TESK2: variants seen among roughly 807,000 people sequenced by gnomAD.
The protein encoded by TESK2 is testis associated actin remodelling kinase 2, also known as dual specificity testis-specific protein kinase 2.
In TESK2, 39 loss-of-function variants were observed where a neutral mutation model predicts 57.1. The ratio of observed to expected loss-of-function variants is 0.68; its 90% CI spans 0.53 to 0.89. TESK2 has a LOEUF of 0.89. Among genes scored for constraint, TESK2 ranks in the 40% least tolerant of loss-of-function variants. TESK2 has a pLI of 0.00. For missense variants in TESK2, 646 were observed against 732.1 expected, an observed-to-expected ratio of 0.88 and a Z score of 1.36; for synonymous variants, 249 against 267.9, an observed-to-expected ratio of 0.93 and a Z score of 0.69.
intron 1 of TESK2, among the ~76,000 whole-genome samples, chr1:45,463,645 G>A (rs1364542298): frequency 5.9e-5 from 9 of 152,058 alleles, no homozygotes; most frequent in Non-Finnish European, 1.3e-4. Context: ...ATGGAGTGGC[G>A]TGATCACAGC....
At chr1:45,430,855 A>T (rs1650921515) in intron 2 of TESK2, among the ~76,000 whole-genome samples, 1 of 152,152 alleles carries the variant, frequency 6.6e-6, no homozygotes, top group Non-Finnish European at 1.5e-5. Context: ...ACAGAAATAG[A>T]GGTTGCGTTA....
chr1:45,446,479 T>C (rs1284326205), intron 2 of TESK2, among the ~76,000 whole-genome samples: 1 of 150,860 alleles, frequency 6.6e-6, no homozygotes, highest in Non-Finnish European at 1.5e-5. Context: ...AAATTTTAAA[T>C]AAAAATAAAA....
intron 2 of TESK2, among the ~76,000 whole-genome samples, chr1:45,440,262 A>C (rs1407651299): frequency 2.0e-5 from 3 of 151,666 alleles, no homozygotes; most frequent in Admixed American, 6.6e-5. Context: ...AGGCCCCCCC[A>C]AAAAAAGGTA....
At chr1:45,489,187 G>A (rs927961053) in intron 1 of TESK2, among the ~76,000 whole-genome samples, 7 of 150,810 alleles carry the variant, frequency 4.6e-5, no homozygotes, top group African/African-American at 7.3e-5. Context: ...TCGAAAGCAC[G>A]TGACATTGAT....
intron 1 of TESK2, among the ~76,000 whole-genome samples, chr1:45,481,074 GTAAA>G (rs1448313691): frequency 1.3e-5 from 2 of 148,956 alleles, no homozygotes; most frequent in African/African-American, 4.9e-5. Flanking sequence ...GATATATAAA[GTAAA>G]TAAGCGGCCG....
rs114934912 is a variant in TESK2, at chr1:45,432,406, C to T, written c.223-10560G>A. 7.3e-3 allele frequency among the ~76,000 whole-genome samples: 1,114 copies of T among 151,796 alleles called. 7 individuals are homozygous for T. Among genetic ancestry groups the T allele is most frequent in the Middle Eastern group, 0.027 (8 of 294 alleles). ...TCTACCTACTTAGAAATATACAATA[C>T]ATTGTCCAGGCACGGTGGCTCACGC... On this transcript the variant is annotated intron_variant, in intron 2 of 10. Transcript: ENST00000372086.
chr1:45,441,414 T>G (rs1311460369), intron 2 of TESK2, among the ~76,000 whole-genome samples: 1 of 152,018 alleles, frequency 6.6e-6, no homozygotes, highest in East Asian at 1.9e-4. Flanking sequence ...TGACCTCAGG[T>G]GATCCGCCTG....
chr1:45,406,127 C>T (rs1303295233), intron 3 of TESK2, among the ~76,000 whole-genome samples: 1 of 151,996 alleles, frequency 6.6e-6, no homozygotes, highest in Non-Finnish European at 1.5e-5. Flanking sequence ...AGCTACTTGG[C>T]AGGCTGAGGC....
chr1:45,440,724 A>AC (rs1553154334), intron 2 of TESK2, among the ~76,000 whole-genome samples: 7,194 of 148,786 alleles, frequency 0.048, 624 homozygotes, highest in African/African-American at 0.18. Context: ...TCAAAAAAAA[A>AC]AAACAAACAA....
Position 45,444,854 on chromosome 1 carries a change from A to G in TESK2, c.222+12710T>C, listed in dbSNP as rs190956960. On this transcript the variant is annotated intron_variant, in intron 2 of 10. Transcript: ENST00000372086. ...ATGGTTTAACTTTAAAACAAAGATGATAACAGTCCCTTCAGGAAACTAACC... is the reference window on the plus strand; with the variant it reads ...ATGGTTTAACTTTAAAACAAAGATGGTAACAGTCCCTTCAGGAAACTAACC... Among the ~76,000 whole-genome samples the G allele has an allele frequency of 9.2e-5, 14 of 152,328 alleles. No homozygotes were observed. The East Asian group carries it at 1.3e-3, about 15-fold the overall frequency.
At chr1:45,473,905 C>T (rs1029416631) in intron 1 of TESK2, among the ~76,000 whole-genome samples, 2 of 151,790 alleles carry the variant, frequency 1.3e-5, no homozygotes, top group African/African-American at 4.8e-5. Flanking sequence ...TCAAACAATC[C>T]TCCCGCCTCA....
At chr1:45,348,053 G>C in intron 5 of TESK2, 53 bp from the exon 6 acceptor site, 1 of 1,235,326 alleles carries the variant, frequency 8.1e-7, no homozygotes, top group African/African-American at 1.5e-5. Flanking sequence ...GCGGGGATCA[G>C]CCATAGAGTT....
intron 3 of TESK2, among the ~76,000 whole-genome samples, chr1:45,392,092 T>C (rs1398848386): frequency 6.6e-6 from 1 of 152,174 alleles, no homozygotes; most frequent in Non-Finnish European, 1.5e-5. Flanking sequence ...GATTGATTGA[T>C]TGATTGACTG....
At chr1:45,356,438 C>A (rs915839768) in intron 4 of TESK2, among the ~76,000 whole-genome samples, 1 of 151,734 alleles carries the variant, frequency 6.6e-6, no homozygotes, top group Non-Finnish European at 1.5e-5. Context: ...CCGGCCTGAA[C>A]AGCATAGTGA....
At chr1:45,374,139 T>G (rs905349717) in intron 4 of TESK2, among the ~76,000 whole-genome samples, 1 of 152,218 alleles carries the variant, frequency 6.6e-6, no homozygotes, top group Non-Finnish European at 1.5e-5. Context: ...TGTAAAAAGA[T>G]TCATCAAATG....
intron 2 of TESK2, among the ~76,000 whole-genome samples, chr1:45,439,936 C>T (rs1456769736): frequency 6.6e-6 from 1 of 150,576 alleles, no homozygotes; most frequent in Admixed American, 6.6e-5. Flanking sequence ...CCAGCCTGGG[C>T]AACAAAGCAA....
chr1:45,376,541 G>A lies in TESK2; in HGVS notation c.393+9371C>T, dbSNP rs937434387. ...GCCTTCACACTATTTTTGATTTCTG[G>A]CTCTTTCCGCTAGGGCTAATTCAGC... On this transcript the variant is annotated intron_variant, in intron 4 of 10. Coordinates refer to ENST00000372086, the MANE Select transcript of TESK2 (RefSeq NM_007170.3). Among the ~76,000 whole-genome samples the A allele has an allele frequency of 6.6e-5, 10 of 152,052 alleles. No homozygotes were observed. In the East Asian group the frequency reaches 1.9e-3, roughly 29 times the overall value.
rs535964785 is a variant in TESK2, at chr1:45,412,429, G to A, written c.344+9296C>T. 2.8e-4 allele frequency among the ~76,000 whole-genome samples: 43 copies of A among 152,288 alleles called. 1 individual carries two copies. The Middle Eastern group carries it at 0.034, about 120-fold the overall frequency. On this transcript the variant is annotated intron_variant, in intron 3 of 10. Coordinates refer to ENST00000372086, the MANE Select transcript of TESK2 (RefSeq NM_007170.3). ...TTTCAGGATGGATAACTGGAAAGAT[G>A]GCTGTCTTAATAACTGAGACTGGGA... is the stretch of plus-strand genomic sequence containing the variant.
chr1:45,469,906 T>C (rs1389548834), intron 1 of TESK2, among the ~76,000 whole-genome samples: 5 of 152,166 alleles, frequency 3.3e-5, no homozygotes, highest in Admixed American at 3.3e-4. Flanking sequence ...AGACACAAAT[T>C]TAATCCTGCA....
Sources: gnomAD v4.1 joint callset for allele counts (sites outside exome capture counted in the v4.1 genomes callset) on GRCh38, gnomAD v4.1.1 for gene constraint, MANE v1.5 for transcripts, NCBI Gene and HGNC (gene_info 2026-07-23, HGNC 2026-07-21) for gene names.